Variants in FBXL17 observed in about 807,000 individuals in gnomAD.
The protein encoded by FBXL17 is F-box and leucine rich repeat protein 17, also known as F-box/LRR-repeat protein 17.
A neutral mutation model predicts 66.2 loss-of-function variants in FBXL17; 22 were observed. That is an observed-to-expected ratio of 0.33 (90% CI 0.24 to 0.47). The LOEUF is 0.47. Ranked by LOEUF, FBXL17 falls within the 20% of genes least tolerant of loss-of-function variation. The pLI is 1.00. For missense variants in FBXL17, 878 were observed against 948.2 expected (o/e 0.93, Z 0.97); for synonymous variants, 474 against 400.5 (o/e 1.18, Z -2.19).
chr5:108,068,536 A>T (rs567763634), intron 6 of FBXL17, among the ~76,000 whole-genome samples: 1 of 151,552 alleles, frequency 6.6e-6, no homozygotes, highest in East Asian at 1.9e-4. Context: ...GCTCACTGCA[A>T]CCTCCACCTC....
rs553498830 is a variant in FBXL17, at chr5:107,945,691, G to C, written c.1823-64512C>G. Among the ~76,000 whole-genome samples, 93 of 152,300 alleles carry C rather than the reference G, an allele frequency of 6.1e-4. 1 individual carries two copies. The highest frequency in any genetic ancestry group is 3.4e-3 in the Middle Eastern group (1 of 294). ...AAAGGAATGATATACATTGTTTACA[G>C]ATGCATATGAATGAAGCAAAGGTAT... On this transcript the variant is annotated intron_variant, in intron 7 of 8. Transcript: ENST00000542267.
intron 7 of FBXL17, among the ~76,000 whole-genome samples, chr5:107,901,556 G>T (rs1749567811): frequency 6.6e-6 from 1 of 152,108 alleles, no homozygotes; most frequent in Admixed American, 6.6e-5. Context: ...AACAGGTGAA[G>T]GTGCTTTAAT....
intron 6 of FBXL17, among the ~76,000 whole-genome samples, chr5:108,172,285 G>A (rs139039145): frequency 6.6e-6 from 1 of 152,270 alleles, no homozygotes; most frequent in Non-Finnish European, 1.5e-5. Context: ...GCTTCTTGAA[G>A]CCAAAGCTCA....
intron 6 of FBXL17, among the ~76,000 whole-genome samples, chr5:108,125,099 C>A (rs1025203803): frequency 6.6e-6 from 1 of 151,678 alleles, no homozygotes; most frequent in African/African-American, 2.4e-5. Context: ...CCAGAAACTA[C>A]AAAATTCTGT....
intron 6 of FBXL17, among the ~76,000 whole-genome samples, chr5:108,029,209 C>G (rs1420695326): frequency 6.6e-6 from 1 of 152,010 alleles, no homozygotes; most frequent in Non-Finnish European, 1.5e-5. Context: ...ATAGGATAGT[C>G]ATGACTTCTT....
intron 7 of FBXL17, among the ~76,000 whole-genome samples, chr5:107,887,189 T>C (rs181526280): frequency 2.4e-3 from 360 of 152,344 alleles, no homozygotes; most frequent in Non-Finnish European, 4.2e-3. Flanking sequence ...GTAACTTTTC[T>C]GTAATTCTAA....
chr5:108,164,097 T>C (rs1195263861), intron 6 of FBXL17, among the ~76,000 whole-genome samples: 1 of 152,212 alleles, frequency 6.6e-6, no homozygotes, highest in Non-Finnish European at 1.5e-5. Flanking sequence ...TGAGCAAAGA[T>C]GCCTTAGTAA....
At chr5:108,152,762 G>T (rs926328954) in intron 6 of FBXL17, among the ~76,000 whole-genome samples, 13 of 152,292 alleles carry the variant, frequency 8.5e-5, no homozygotes, top group Admixed American at 7.8e-4. Flanking sequence ...CCCTGGAAGT[G>T]ATACAGGATT....
intron 7 of FBXL17, among the ~76,000 whole-genome samples, chr5:107,959,419 G>C (rs957105432): frequency 1.4e-4 from 12 of 84,068 alleles, no homozygotes; most frequent in South Asian, 3.8e-4. Flanking sequence ...CACACACACA[G>C]GCAACACTTT....
At chr5:108,050,746 A>C (rs994874338) in intron 6 of FBXL17, among the ~76,000 whole-genome samples, 2 of 152,230 alleles carry the variant, frequency 1.3e-5, no homozygotes, top group Non-Finnish European at 2.9e-5. Context: ...ACTCCCCCCC[A>C]AAAAATGAAT....
chr5:107,959,417 C>CACACAG (rs1223390894), intron 7 of FBXL17, among the ~76,000 whole-genome samples: 2 of 145,372 alleles, frequency 1.4e-5, no homozygotes, highest in Non-Finnish European at 3.1e-5. Flanking sequence ...CACACACACA[C>CACACAG]AGGCAACACT....
At chr5:108,054,279 T>C (rs1000240322) in intron 6 of FBXL17, among the ~76,000 whole-genome samples, 1 of 151,972 alleles carries the variant, frequency 6.6e-6, no homozygotes, top group Admixed American at 6.6e-5. Context: ...TTCTTCTGCA[T>C]CCCTGAAGGG....
At chr5:108,031,573 C>T (rs766212495) in intron 6 of FBXL17, among the ~76,000 whole-genome samples, 1 of 152,080 alleles carries the variant, frequency 6.6e-6, no homozygotes, top group Non-Finnish European at 1.5e-5. Context: ...GGAAGGCTGA[C>T]GTTTTAAGAA....
intron 3 of FBXL17, among the ~76,000 whole-genome samples, chr5:108,355,141 A>C (rs1266491495): frequency 1.3e-5 from 2 of 152,086 alleles, no homozygotes; most frequent in African/African-American, 4.8e-5. Flanking sequence ...CTTATTCTTA[A>C]TTAAGCTAGC....
chr5:108,272,900 C>A (rs140976815), intron 4 of FBXL17, among the ~76,000 whole-genome samples: 128 of 152,210 alleles, frequency 8.4e-4, no homozygotes, highest in Non-Finnish European at 1.5e-3. Context: ...TAACTATCAG[C>A]GAACCTGCCC....
chr5:108,141,774 G>C (rs1751359982), intron 6 of FBXL17, among the ~76,000 whole-genome samples: 2 of 152,166 alleles, frequency 1.3e-5, no homozygotes, highest in African/African-American at 4.8e-5. Flanking sequence ...CTAGCAATCA[G>C]ACTATACGTT....
At position 107,980,664 on chromosome 5, in the gene FBXL17, A is replaced by ATATATATATATTTT; in HGVS notation, c.1822+40260_1822+40261insAAAATATATATATA. 3.2e-4 allele frequency among the ~76,000 whole-genome samples: 20 copies of ATATATATATATTTT among 62,072 alleles called. 2 individuals are homozygous for ATATATATATATTTT. Among genetic ancestry groups the ATATATATATATTTT allele is most frequent in the African/African-American group, 1.4e-3 (14 of 9,746 alleles). The allele number at this position is 62,072 out of a possible 152,430, so 40.7% of individuals were successfully genotyped here. A position where few individuals can be genotyped will look rare whatever the true frequency, so the allele number is the denominator to read the frequency against. ...TAAAATAATATATATATATATATAT[A>ATATATATATATTTT]TTTTTTTTTTGAGATGGAGTCTTGC... On this transcript the variant is annotated intron_variant, in intron 7 of 8. Coordinates refer to ENST00000542267, the MANE Select transcript of FBXL17 (RefSeq NM_001163315.3).
intron 6 of FBXL17, among the ~76,000 whole-genome samples, chr5:108,142,383 T>C (rs1160161000): frequency 6.6e-6 from 1 of 152,202 alleles, no homozygotes; most frequent in Non-Finnish European, 1.5e-5. Context: ...TTAAAAGGTG[T>C]TTAATGAGCT....
chr5:108,088,170 A>C (rs1285111948), intron 6 of FBXL17, among the ~76,000 whole-genome samples: 1 of 152,188 alleles, frequency 6.6e-6, no homozygotes, highest in Non-Finnish European at 1.5e-5. Context: ...TGAAAAGATC[A>C]CACCTGGGAT....
Sources: allele counts gnomAD v4.1 joint callset (sites outside exome capture counted in the v4.1 genomes callset), GRCh38; gene constraint gnomAD v4.1.1; transcripts MANE v1.5; gene names NCBI Gene and HGNC (gene_info 2026-07-23, HGNC 2026-07-21).